The following ERG variants were observed in gnomAD, a reference collection of about 807,000 sequenced individuals.
The protein encoded by ERG is transcriptional regulator ERG.
Under a neutral mutation model 55.3 loss-of-function variants are expected in ERG, and 9 were observed. That is an observed-to-expected ratio of 0.16 (90% CI 0.10 to 0.28). ERG has a LOEUF of 0.28. ERG is among the 10% of genes least tolerant of loss of function. ERG has a pLI of 1.00. For synonymous variants in ERG, 223 were observed against 237.3 expected (o/e 0.94, Z 0.55); for missense variants, 434 against 631.6 (o/e 0.69, Z 3.35).
chr21:38,605,158 T>C (rs2060189101), intron 1 of ERG, among the ~76,000 whole-genome samples: 1 of 152,140 alleles, frequency 6.6e-6, no homozygotes, highest in South Asian at 2.1e-4. Flanking sequence ...TTTTAAACCA[T>C]CAAAAAGCTA....
upstream of ERG, among the ~76,000 whole-genome samples, chr21:38,588,322 A>G (rs1170737148): frequency 2.6e-5 from 4 of 151,616 alleles, no homozygotes; most frequent in African/African-American, 9.7e-5. Context: ...ACCCCCCACC[A>G]CCACCACCAC....
upstream of ERG, among the ~76,000 whole-genome samples, chr21:38,588,610 G>A (rs1163203057): frequency 6.6e-6 from 1 of 152,164 alleles, no homozygotes; most frequent in Non-Finnish European, 1.5e-5. Context: ...GCCTCAGTTT[G>A]CTCATCTGAA....
chr21:38,463,871 G>T (rs1898338620), intron 1 of ERG, among the ~76,000 whole-genome samples: 1 of 152,150 alleles, frequency 6.6e-6, no homozygotes, highest in Non-Finnish European at 1.5e-5. Context: ...CGTAATCCAG[G>T]CTTTGTATTC....
At chr21:38,607,015 C>T (rs776772411) in intron 1 of ERG, among the ~76,000 whole-genome samples, 5 of 151,694 alleles carry the variant, frequency 3.3e-5, no homozygotes, top group African/African-American at 1.2e-4. Flanking sequence ...ACATCAAAGA[C>T]AAAGACAAAG....
At chr21:38,582,825 C>T (rs2060038472) in intron 1 of ERG, among the ~76,000 whole-genome samples, 2 of 152,180 alleles carry the variant, frequency 1.3e-5, no homozygotes, top group South Asian at 4.1e-4. Flanking sequence ...TGGCTCACTG[C>T]AACCTCCACC....
intron 1 of ERG, among the ~76,000 whole-genome samples, chr21:38,458,772 T>C (rs1427897328): frequency 6.6e-6 from 1 of 152,166 alleles, no homozygotes; most frequent in East Asian, 1.9e-4. Context: ...CCATACTTAC[T>C]TACTTAAATA....
chr21:38,612,433 T>A (rs1296166003), intron 1 of ERG, among the ~76,000 whole-genome samples: 22 of 152,324 alleles, frequency 1.4e-4, no homozygotes, highest in Non-Finnish European at 1.5e-5. Flanking sequence ...GTGGGTCCTG[T>A]ATGCCATGTT....
At chr21:38,375,809 T>A (rs1356745387), downstream of ERG, among the ~76,000 whole-genome samples, 2 of 152,206 alleles carry the variant, frequency 1.3e-5, no homozygotes, top group Non-Finnish European at 2.9e-5. Flanking sequence ...TAGGCATCTC[T>A]GGTCTGTTGT....
At chr21:38,606,824 T>C (rs2060199458) in intron 1 of ERG, among the ~76,000 whole-genome samples, 1 of 152,140 alleles carries the variant, frequency 6.6e-6, no homozygotes, top group Non-Finnish European at 1.5e-5. Flanking sequence ...GTGTGGAGGC[T>C]AGCATGAGAT....
intron 1 of ERG, among the ~76,000 whole-genome samples, chr21:38,488,035 C>A (rs939698674): frequency 3.3e-5 from 5 of 152,132 alleles, no homozygotes; most frequent in Non-Finnish European, 7.4e-5. Flanking sequence ...ATCTCTGCCC[C>A]CCACCTGGCA....
At chr21:38,592,532 T>G (rs183438230) in intron 1 of ERG, among the ~76,000 whole-genome samples, 58 of 152,004 alleles carry the variant, frequency 3.8e-4, no homozygotes, top group African/African-American at 1.4e-3. Context: ...ACCTGGTTAA[T>G]AGCCCAAAAT....
chr21:38,563,095 A>G (rs2146838897), intron 2 of ERG, among the ~76,000 whole-genome samples: 1 of 152,318 alleles, frequency 6.6e-6, no homozygotes, highest in African/African-American at 2.4e-5. Flanking sequence ...ATGTAAAAAG[A>G]TCAGTGGTTG....
At chr21:38,395,009 G>A (rs74483413) in intron 6 of ERG, among the ~76,000 whole-genome samples, 78 of 152,274 alleles carry the variant, frequency 5.1e-4, no homozygotes, top group African/African-American at 1.6e-3. Flanking sequence ...TTCATATGGT[G>A]TATAACCATA....
chr21:38,564,587 C>CT (rs1555860965), intron 2 of ERG, among the ~76,000 whole-genome samples: 3,610 of 151,386 alleles, frequency 0.024, 142 homozygotes, highest in African/African-American at 0.083. Flanking sequence ...CTCTCTCTCT[C>CT]TTTTTTTTTG....
At chr21:38,535,576 T>A (rs1288076901) in intron 2 of ERG, among the ~76,000 whole-genome samples, 4 of 152,330 alleles carry the variant, frequency 2.6e-5, no homozygotes, top group South Asian at 2.1e-4. Context: ...TTCCTTCATG[T>A]ATAACCCACA....
chr21:38,514,157 T>TA (rs934419545), intron 2 of ERG, among the ~76,000 whole-genome samples: 2 of 147,172 alleles, frequency 1.4e-5, no homozygotes, highest in African/African-American at 5.0e-5. Flanking sequence ...ACTCCAAAAA[T>TA]AAAAAAATAA....
chr21:38,502,109 T>C (rs114313007), upstream of ERG, among the ~76,000 whole-genome samples: 850 of 152,326 alleles, frequency 5.6e-3, 4 homozygotes, highest in African/African-American at 0.019. Flanking sequence ...GAGATCCGTC[T>C]GAACCTCCAC....
intron 2 of ERG, among the ~76,000 whole-genome samples, chr21:38,430,851 G>A (rs1226586386): frequency 6.6e-6 from 1 of 152,216 alleles, no homozygotes; most frequent in Non-Finnish European, 1.5e-5. Context: ...TCCTTGAGGA[G>A]TGTAACCTCT....
At chr21:38,492,291 CA>C (rs1374687495) in intron 1 of ERG, among the ~76,000 whole-genome samples, 1 of 152,168 alleles carries the variant, frequency 6.6e-6, no homozygotes, top group East Asian at 1.9e-4. Flanking sequence ...ACATAACAAG[CA>C]GTTATTAGGA....
Sources: gnomAD v4.1 joint callset for allele counts (sites outside exome capture counted in the v4.1 genomes callset) on GRCh38, gnomAD v4.1.1 for gene constraint, MANE v1.5 for transcripts, NCBI Gene and HGNC (gene_info 2026-07-23, HGNC 2026-07-21) for gene names.